The following ADCK1 variants were observed in gnomAD, a reference collection of about 807,000 sequenced individuals.
ADCK1 encodes aarF domain containing kinase 1.
In ADCK1, 41 loss-of-function variants were observed where a neutral mutation model predicts 52.3. The observed-to-expected ratio is 0.78, with a 90% CI of 0.61 to 1.02. The LOEUF is 1.02. Ranked by LOEUF, ADCK1 falls within the 50% of genes least tolerant of loss-of-function variation. The pLI, the probability that ADCK1 is intolerant of heterozygous loss-of-function variation, is 0.00. For synonymous variants in ADCK1, 250 were observed against 274.6 expected, an observed-to-expected ratio of 0.91 and a Z score of 0.89; for missense variants, 658 against 679.5, an observed-to-expected ratio of 0.97 and a Z score of 0.35.
intron 3 of ADCK1, among the ~76,000 whole-genome samples, chr14:77,837,542 A>C (rs2081986799): frequency 6.6e-6 from 1 of 152,202 alleles, no homozygotes; most frequent in African/African-American, 2.4e-5. Context: ...TTTGGGGGCC[A>C]CCATTCAACC....
intron 3 of ADCK1, among the ~76,000 whole-genome samples, chr14:77,833,789 T>C (rs1204904056): frequency 6.6e-6 from 1 of 152,152 alleles, no homozygotes; most frequent in African/African-American, 2.4e-5. Context: ...GGGCTCACTG[T>C]GTAGTGGCTT....
In ADCK1 at chr14:77,844,356, C is replaced by T. The variant is rs575555202; in HGVS notation, c.220-14720C>T. Among the ~76,000 whole-genome samples the T allele has an allele frequency of 6.5e-4, 99 of 152,314 alleles. 1 individual carries two copies. The highest frequency in any genetic ancestry group is 2.2e-3 in the African/African-American group (92 of 41,574). ...TCGACCTCCCAAAGTGCTGGGATTACAGATGTGAGCCACCACGCCTGGCCT... is the reference window on the plus strand; with the variant it reads ...TCGACCTCCCAAAGTGCTGGGATTATAGATGTGAGCCACCACGCCTGGCCT... On this transcript the variant is annotated intron_variant, in intron 3 of 10. Transcript: ENST00000238561.
intron 7 of ADCK1, among the ~76,000 whole-genome samples, chr14:77,910,685 A>T (rs147628432): frequency 2.6e-5 from 4 of 152,340 alleles, no homozygotes; most frequent in Non-Finnish European, 5.9e-5. Flanking sequence ...ATCAGAGGCA[A>T]CGTTGATTTT....
At chr14:77,889,680 G>T (rs573969437) in intron 5 of ADCK1, among the ~76,000 whole-genome samples, 70 of 152,260 alleles carry the variant, frequency 4.6e-4, no homozygotes, top group African/African-American at 1.6e-3. Context: ...AAGAGTAAGG[G>T]GATCGGGATG....
chr14:77,875,414 C>T (rs142101696), intron 4 of ADCK1, among the ~76,000 whole-genome samples: 2 of 152,044 alleles, frequency 1.3e-5, no homozygotes, highest in African/African-American at 2.4e-5. Flanking sequence ...GTCAGAACGT[C>T]GGCAAGTGGC....
chr14:77,927,460 T>C (rs1354754170), intron 9 of ADCK1, among the ~76,000 whole-genome samples: 4 of 152,356 alleles, frequency 2.6e-5, no homozygotes, highest in East Asian at 1.9e-4. Context: ...CATTTGTTTT[T>C]GTTGGGCTGT....
chr14:77,885,418 A>G (rs2083126287), intron 4 of ADCK1, among the ~76,000 whole-genome samples: 1 of 152,234 alleles, frequency 6.6e-6, no homozygotes, highest in African/African-American at 2.4e-5. Context: ...CTGACAGAGA[A>G]GCGTAGGCCT....
chr14:77,842,496 CTTCCTTCCTTCCTTCCTTCA>C lies in ADCK1; in HGVS notation c.220-16577_220-16558del. ...CCTTCCTTCCTTCCTTCCTTCCTTC[CTTCCTTCCTTCCTTCCTTCA>C]TTTCCTCCCTCCCTCCTTCCCTTCC... On this transcript the variant is annotated intron_variant, in intron 3 of 10. Transcript: ENST00000238561. Among the ~76,000 whole-genome samples, 6 of 133,560 alleles carry C rather than the reference CTTCCTTCCTTCCTTCCTTCA, an allele frequency of 4.5e-5. No homozygotes were observed. In the East Asian group the frequency reaches 8.4e-4, roughly 19 times the overall value. The allele number at this position is 133,560 out of a possible 152,430, so 87.6% of individuals were successfully genotyped here. A position where few individuals can be genotyped will look rare whatever the true frequency, so the allele number is the denominator to read the frequency against.
intron 3 of ADCK1, among the ~76,000 whole-genome samples, chr14:77,832,580 A>C (rs921993125): frequency 6.6e-6 from 1 of 152,194 alleles, no homozygotes; most frequent in African/African-American, 2.4e-5. Flanking sequence ...GAAACACCGG[A>C]GGAGGAAGAA....
chr14:77,896,140 A>G (rs1364234021), intron 5 of ADCK1, among the ~76,000 whole-genome samples: 2 of 151,728 alleles, frequency 1.3e-5, no homozygotes, highest in African/African-American at 4.9e-5. Flanking sequence ...ATAATAATGA[A>G]TAGTATTAAT....
chr14:77,828,958 C>T (rs2081781388), intron 3 of ADCK1, among the ~76,000 whole-genome samples: 1 of 151,352 alleles, frequency 6.6e-6, no homozygotes. Flanking sequence ...TCAAATGGTT[C>T]CACCTTTGGC....
chr14:77,816,514 G>A (rs2081454085), intron 1 of ADCK1, among the ~76,000 whole-genome samples: 3 of 152,176 alleles, frequency 2.0e-5, no homozygotes, highest in Admixed American at 2.0e-4. Context: ...AAAAACCCAA[G>A]AACCCAAGAG....
intron 7 of ADCK1, among the ~76,000 whole-genome samples, chr14:77,910,543 C>T (rs2083769033): frequency 6.6e-6 from 1 of 152,174 alleles, no homozygotes; most frequent in Admixed American, 6.5e-5. Flanking sequence ...AGGAAATATC[C>T]CAGAGGCCTC....
At chr14:77,864,188 G>A (rs2082613816) in intron 4 of ADCK1, among the ~76,000 whole-genome samples, 1 of 152,184 alleles carries the variant, frequency 6.6e-6, no homozygotes, top group African/African-American at 2.4e-5. Flanking sequence ...ATGAAGGAGA[G>A]AGAAGGTGCA....
intron 4 of ADCK1, among the ~76,000 whole-genome samples, chr14:77,866,595 C>T (rs895703168): frequency 6.6e-6 from 1 of 152,158 alleles, no homozygotes; most frequent in Non-Finnish European, 1.5e-5. Context: ...GAAGTATGTG[C>T]TCTTGGTCTC....
intron 5 of ADCK1, among the ~76,000 whole-genome samples, chr14:77,889,904 A>AAAAG (rs1555356181): frequency 6.7e-6 from 1 of 148,706 alleles, no homozygotes; most frequent in Non-Finnish European, 1.5e-5. Context: ...AAAAAAAAAA[A>AAAAG]CAGAAGAAGA....
intron 3 of ADCK1, among the ~76,000 whole-genome samples, chr14:77,852,665 ATATATATATATATATATATAT>A (rs775847406): frequency 0.18 from 16,065 of 88,834 alleles, 1,523 homozygotes; most frequent in Middle Eastern, 0.24. Context: ...AAATAAATAT[ATATATATATATATATATATAT>A]ATATATATAT....
rs2082233849 is a variant in ADCK1, at chr14:77,849,209, G to A, written c.220-9867G>A. On this transcript the variant is annotated intron_variant, in intron 3 of 10. Transcript: ENST00000238561. ...CTCATCTCTGGCTCCTGAGTAACTG[G>A]GACCAAAGGCATATGCCACCACACC... Among the ~76,000 whole-genome samples the A allele has an allele frequency of 2.6e-5, 4 of 152,256 alleles. No individual in the cohort carries two copies. The South Asian group carries it at 8.3e-4, about 32-fold the overall frequency.
rs74065807 is a variant in ADCK1 at position 77,864,349 on chromosome 14, A to T, written c.423+5070A>T. Reference sequence around the variant, plus strand: ...AAGAAGCCTTTCCTCCAAGAATATAAACTGTTTATCCAACTTGTTGGTGGT... The same window carrying T: ...AAGAAGCCTTTCCTCCAAGAATATATACTGTTTATCCAACTTGTTGGTGGT... On this transcript the variant is annotated intron_variant, in intron 4 of 10. Transcript: ENST00000238561. Among the ~76,000 whole-genome samples the T allele has an allele frequency of 5.4e-3, 827 of 152,316 alleles. 6 individuals are homozygous for T. The highest frequency in any genetic ancestry group is 0.02 in the Middle Eastern group (6 of 294).
Sources: allele counts gnomAD v4.1 joint callset (sites outside exome capture counted in the v4.1 genomes callset), GRCh38; gene constraint gnomAD v4.1.1; transcripts MANE v1.5; gene names NCBI Gene and HGNC (gene_info 2026-07-23, HGNC 2026-07-21).